PTPRJ: variants seen among roughly 807,000 people sequenced by gnomAD.
The protein encoded by PTPRJ is protein tyrosine phosphatase receptor type J.
In PTPRJ, 129 loss-of-function variants were observed where a neutral mutation model predicts 141.3. The ratio of observed to expected loss-of-function variants is 0.91; its 90% CI spans 0.79 to 1.06. The LOEUF is 1.06. Ranked by LOEUF, PTPRJ falls within the 50% of genes least tolerant of loss-of-function variation. The pLI is 0.00. For missense variants in PTPRJ, 1,601 were observed against 1,679.7 expected (o/e 0.95, Z 0.82); for synonymous variants, 610 against 640.5 (o/e 0.95, Z 0.72).
chr11:47,980,778 G>A lies in PTPRJ; in HGVS notation c.-135G>A, dbSNP rs1590377483. On this transcript the variant is annotated 5_prime_UTR_variant, in exon 1 of 25. Transcript: ENST00000418331. Reference sequence around the variant, plus strand: ...TCCGGGGAAGCCCGGGGCGGGCGGAGCGGGGACGAGGCGGACCGGCTGGCG... The same window carrying A: ...TCCGGGGAAGCCCGGGGCGGGCGGAACGGGGACGAGGCGGACCGGCTGGCG... 2.9e-6 allele frequency: 3 copies of A among 1,029,122 alleles called. No individual in the cohort carries two copies. The South Asian group carries it at 1.4e-4, about 47-fold the overall frequency. 63.7% of individuals were successfully genotyped at this position (1,029,122 alleles called of 1,614,324 possible). A position where few individuals can be genotyped will look rare whatever the true frequency, so the allele number is the denominator to read the frequency against.
At chr11:48,159,760 C>G (rs61915955) in intron 21 of PTPRJ, among the ~76,000 whole-genome samples, 170 bp from the exon 22 acceptor site, 5,110 of 152,122 alleles carry the variant, frequency 0.034, 129 homozygotes, top group Non-Finnish European at 0.051. Flanking sequence ...TAGTGAGACC[C>G]TGTCTCTATA....
At chr11:48,102,993 T>C (rs891905569) in intron 1 of PTPRJ, among the ~76,000 whole-genome samples, 2 of 152,170 alleles carry the variant, frequency 1.3e-5, no homozygotes, top group Non-Finnish European at 2.9e-5. Context: ...CTGGGACAAG[T>C]TGCTAGACCA....
chr11:48,081,594 G>T (rs1391177485), intron 1 of PTPRJ, among the ~76,000 whole-genome samples: 1 of 152,088 alleles, frequency 6.6e-6, no homozygotes, highest in Non-Finnish European at 1.5e-5. Context: ...TGTGGCTGTT[G>T]TTCAAGGAGG....
chr11:48,111,826 A>G (rs778185753), intron 2 of PTPRJ, among the ~76,000 whole-genome samples: 3 of 152,152 alleles, frequency 2.0e-5, no homozygotes, highest in Non-Finnish European at 4.4e-5. Context: ...GGACTTCAAC[A>G]TATGAATTTG....
At chr11:48,004,526 G>A (rs1854576757) in intron 1 of PTPRJ, among the ~76,000 whole-genome samples, 1 of 152,196 alleles carries the variant, frequency 6.6e-6, no homozygotes, top group Non-Finnish European at 1.5e-5. Flanking sequence ...CTTAGTTGGG[G>A]AGATAGATGG....
intron 3 of PTPRJ, among the ~76,000 whole-genome samples, chr11:48,113,428 G>C (rs538699796): frequency 2.4e-4 from 36 of 152,236 alleles, no homozygotes; most frequent in African/African-American, 7.9e-4. Context: ...AATGGTCCTT[G>C]GGCCAAATAT....
intron 1 of PTPRJ, chr11:48,015,877 A>G (rs1854938611): frequency 6.7e-6 from 1 of 149,742 alleles, no homozygotes; most frequent in African/African-American, 2.5e-5. Context: ...AAAAAAAAAG[A>G]AATAATACTA....
At chr11:48,076,005 T>C (rs1007552651) in intron 1 of PTPRJ, among the ~76,000 whole-genome samples, 1 of 152,198 alleles carries the variant, frequency 6.6e-6, no homozygotes, top group African/African-American at 2.4e-5. Flanking sequence ...CCCTTGTTCA[T>C]GAAGCCTCTC....
intron 1 of PTPRJ, among the ~76,000 whole-genome samples, chr11:47,990,926 G>T (rs908855746): frequency 2.0e-5 from 3 of 151,904 alleles, no homozygotes; most frequent in Non-Finnish European, 4.4e-5. Flanking sequence ...TGATCCGCCC[G>T]CCTCAGCCTC....
intron 1 of PTPRJ, among the ~76,000 whole-genome samples, chr11:48,056,795 T>C (rs527445998): frequency 6.6e-6 from 1 of 152,114 alleles, no homozygotes; most frequent in East Asian, 1.9e-4. Flanking sequence ...TCTACTAAAA[T>C]ACAAAAGAAT....
At chr11:48,020,378 G>A (rs1344358132) in intron 1 of PTPRJ, among the ~76,000 whole-genome samples, 1 of 152,180 alleles carries the variant, frequency 6.6e-6, no homozygotes, top group Admixed American at 6.5e-5. Flanking sequence ...GTGGTGGAGG[G>A]CGTTGGCATA....
At position 48,169,150 on chromosome 11, in the gene PTPRJ, C is replaced by G. The variant is rs753746905; in HGVS notation, c.*1788C>G. ...AGGGTGAACCACACTTTTAAAGCCC[C>G]GGCTGTGGTTCGGAGGGTTAGTGCT... On this transcript the variant is annotated 3_prime_UTR_variant, in exon 25 of 25. Coordinates refer to ENST00000418331, the MANE Select transcript of PTPRJ (RefSeq NM_002843.4). 1 of 152,158 alleles carries G rather than the reference C, an allele frequency of 6.6e-6. No homozygotes were observed. The highest frequency in any genetic ancestry group is 1.5e-5 in the Non-Finnish European group (1 of 68,040). The allele number at this position is 152,158 out of a possible 1,614,324, so 9.4% of individuals were successfully genotyped here.
chr11:48,102,568 A>C (rs995447817), intron 1 of PTPRJ, among the ~76,000 whole-genome samples: 1 of 151,658 alleles, frequency 6.6e-6, no homozygotes. Context: ...ATGCCCAGCT[A>C]ATTTTTGTAT....
intron 1 of PTPRJ, among the ~76,000 whole-genome samples, chr11:47,991,037 T>C (rs1386981265): frequency 6.6e-6 from 1 of 151,958 alleles, no homozygotes; most frequent in African/African-American, 2.4e-5. Context: ...ACCTCTTATA[T>C]TGGGTTTGAG....
chr11:48,168,630 G>A lies in PTPRJ; in HGVS notation c.*1268G>A, dbSNP rs1223392901. 1 of 134,620 alleles carries A rather than the reference G, an allele frequency of 7.4e-6. No homozygotes were observed. Among genetic ancestry groups the A allele is most frequent in the Non-Finnish European group, 1.6e-5 (1 of 64,482 alleles). The allele number at this position is 134,620 out of a possible 1,614,324, so 8.3% of individuals were successfully genotyped here. A position where few individuals can be genotyped will look rare whatever the true frequency, so the allele number is the denominator to read the frequency against. ...ATTCCTATGAATTGAGGTGTACAAA[G>A]TTTGAATTTGTATCAAAGATGTAAT... On this transcript the variant is annotated 3_prime_UTR_variant, in exon 25 of 25. Coordinates refer to ENST00000418331, the MANE Select transcript of PTPRJ (RefSeq NM_002843.4).
chr11:48,164,313 G>A, intron 23 of PTPRJ, 67 bp from the exon 24 acceptor site: 2 of 1,575,226 alleles, frequency 1.3e-6, no homozygotes, highest in South Asian at 1.2e-5. Context: ...ATGTACAAAT[G>A]AGGAACTCTA....
rs1252731987 is a variant in PTPRJ, at chr11:48,126,817, C to CACACACAT, written c.1094-960_1094-959insCACATACA. On this transcript the variant is annotated intron_variant, in intron 6 of 24. Coordinates refer to ENST00000418331, the MANE Select transcript of PTPRJ (RefSeq NM_002843.4). Reference sequence around the variant, plus strand: ...ACACACACACACACACACACACACACACAGATAAACACACATTTCCACCCA... The same window carrying CACACACAT: ...ACACACACACACACACACACACACACACACACATACAGATAAACACACATTTCCACCCA... 5.3e-3 allele frequency among the ~76,000 whole-genome samples: 782 copies of CACACACAT among 146,594 alleles called. 11 individuals carry two copies. The highest frequency in any genetic ancestry group is 0.017 in the African/African-American group (624 of 37,558).
rs1352042054 is a variant in PTPRJ, at chr11:48,121,267, G to A, written c.616+1G>A. On this transcript the variant is annotated splice_donor_variant, in intron 4 of 24. Transcript: ENST00000418331. LOFTEE classifies it high-confidence loss of function. ...CCCAGAGTCATAAAAGTCATCACAG[G>A]TAAGATGACTGGCTCCCAGGGATGA... 1 of 1,612,622 alleles carries A rather than the reference G, an allele frequency of 6.2e-7. No homozygotes were observed. The highest frequency in any genetic ancestry group is 2.2e-5 in the East Asian group (1 of 44,852).
intron 1 of PTPRJ, among the ~76,000 whole-genome samples, chr11:48,108,481 A>G (rs1856355687): frequency 6.6e-6 from 1 of 152,198 alleles, no homozygotes; most frequent in Non-Finnish European, 1.5e-5. Context: ...CTGTGCTGAG[A>G]CAAGGGATGT....
Sources: allele counts gnomAD v4.1 joint callset (sites outside exome capture counted in the v4.1 genomes callset), GRCh38; gene constraint gnomAD v4.1.1; transcripts MANE v1.5; gene names NCBI Gene and HGNC (gene_info 2026-07-23, HGNC 2026-07-21).